Variants in FAT3 observed in about 807,000 individuals in gnomAD.
FAT3 encodes protocadherin Fat 3.
Under a neutral mutation model 310.2 loss-of-function variants are expected in FAT3, and 95 were observed. The ratio of observed to expected loss-of-function variants is 0.31; its 90% CI spans 0.26 to 0.36. The LOEUF (loss-of-function observed/expected upper bound fraction) is 0.36, where lower values mean the gene tolerates loss of function less well. FAT3 is among the 10% of genes least tolerant of loss of function. The pLI is 1.00. For missense variants in FAT3, 5,408 were observed against 5,715.6 expected (o/e 0.95, Z 1.74); for synonymous variants, 2,314 against 2,192.9 (o/e 1.06, Z -1.54).
Position 92,319,529 on chromosome 11 carries a change from T to C in FAT3, c.-17-32567T>C, listed in dbSNP as rs550821730. Among the ~76,000 whole-genome samples, 6 of 152,328 alleles carry C rather than the reference T, an allele frequency of 3.9e-5. No homozygotes were observed. The South Asian group carries it at 1.2e-3, about 32-fold the overall frequency. On this transcript the variant is annotated intron_variant, in intron 1 of 27. Transcript: ENST00000525166. Reference sequence around the variant, plus strand: ...CTCTCTGTGTGTTCAGTAAGTATAATAGTGTGAATATTCCTTCCATCAGCG... The same window carrying C: ...CTCTCTGTGTGTTCAGTAAGTATAACAGTGTGAATATTCCTTCCATCAGCG...
At position 92,443,841 on chromosome 11, in the gene FAT3, AGAG is replaced by A. The variant is rs576849728; in HGVS notation, c.3293-80787_3293-80785del. Among the ~76,000 whole-genome samples, 40 of 152,248 alleles carry A rather than the reference AGAG, an allele frequency of 2.6e-4. 1 individual carries two copies. In the South Asian group the frequency reaches 3.3e-3, roughly 13 times the overall value. On this transcript the variant is annotated intron_variant, in intron 2 of 27. Transcript: ENST00000525166. ...GAGGAGGAGAAGAAGATAAATAAGA[AGAG>A]GAGGAAGAGGAGATCATAATGATGC...
intron 2 of FAT3, among the ~76,000 whole-genome samples, chr11:92,509,706 A>T (rs1200787766): frequency 6.6e-6 from 1 of 152,198 alleles, no homozygotes; most frequent in South Asian, 2.1e-4. Flanking sequence ...TGTTCCATGT[A>T]CAATGGTGAG....
chr11:92,403,860 C>A (rs1950077230), intron 2 of FAT3, among the ~76,000 whole-genome samples: 1 of 152,032 alleles, frequency 6.6e-6, no homozygotes, highest in Non-Finnish European at 1.5e-5. Flanking sequence ...CATGGTGAAA[C>A]CCCGTCTCTA....
intron 2 of FAT3, among the ~76,000 whole-genome samples, chr11:92,470,726 C>T (rs1031357938): frequency 6.6e-6 from 1 of 152,200 alleles, no homozygotes; most frequent in Non-Finnish European, 1.5e-5. Flanking sequence ...CACACATGTA[C>T]ACACTGGTCC....
intron 3 of FAT3, among the ~76,000 whole-genome samples, chr11:92,659,809 G>A (rs1942715647): frequency 6.6e-6 from 1 of 152,170 alleles, no homozygotes; most frequent in Admixed American, 6.5e-5. Flanking sequence ...AGAGGTGGAG[G>A]TGGGTTGCCA....
Position 92,412,736 on chromosome 11 carries a change from T to TATATACAC in FAT3, c.3292+57337_3292+57338insCACATATA, listed in dbSNP as rs1591252620. Among the ~76,000 whole-genome samples the TATATACAC allele has an allele frequency of 3.5e-3, 53 of 14,956 alleles. 5 individuals are homozygous for TATATACAC. Among genetic ancestry groups the TATATACAC allele is most frequent in the South Asian group, 0.016 (5 of 318 alleles). The allele number at this position is 14,956 out of a possible 152,430, so 9.8% of individuals were successfully genotyped here. A position where few individuals can be genotyped will look rare whatever the true frequency, so the allele number is the denominator to read the frequency against. ...ATATATATATATATATATATATATA[T>TATATACAC]ATATATATAAATATACATACATATA... On this transcript the variant is annotated intron_variant, in intron 2 of 27. Coordinates refer to ENST00000525166, the MANE Select transcript of FAT3 (RefSeq NM_001367949.2).
At chr11:92,254,110 A>G (rs1865226108) in intron 1 of FAT3, among the ~76,000 whole-genome samples, 1 of 152,156 alleles carries the variant, frequency 6.6e-6, no homozygotes, top group Admixed American at 6.6e-5. Flanking sequence ...CTCTGGGTTA[A>G]GAGTTCTTGC....
chr11:92,669,209 T>C (rs144026813), intron 3 of FAT3, among the ~76,000 whole-genome samples: 48 of 152,316 alleles, frequency 3.2e-4, no homozygotes, highest in African/African-American at 1.1e-3. Flanking sequence ...ATGTTCTTTT[T>C]ACCTGGAGAA....
intron 2 of FAT3, among the ~76,000 whole-genome samples, chr11:92,429,015 G>C (rs1284626717): frequency 6.6e-6 from 1 of 152,180 alleles, no homozygotes; most frequent in African/African-American, 2.4e-5. Context: ...GGGAGTCTAA[G>C]TCTCTTTGTA....
At chr11:92,246,967 A>G (rs1384072975) in intron 1 of FAT3, among the ~76,000 whole-genome samples, 2 of 152,130 alleles carry the variant, frequency 1.3e-5, no homozygotes, top group Non-Finnish European at 2.9e-5. Flanking sequence ...ACTAAGACTG[A>G]TACATTTGTC....
intron 1 of FAT3, among the ~76,000 whole-genome samples, chr11:92,292,006 A>G (rs989019271): frequency 6.6e-6 from 1 of 151,972 alleles, no homozygotes; most frequent in Non-Finnish European, 1.5e-5. Context: ...AGTCCCCCAA[A>G]CAAAATATTT....
Position 92,353,424 on chromosome 11 carries a change from G to C in FAT3, c.1312G>C (p.Val438Leu), listed in dbSNP as rs1948627428. The C allele has an allele frequency of 6.2e-7, 1 of 1,613,512 alleles. No homozygotes were observed. Among genetic ancestry groups the C allele is most frequent in the Non-Finnish European group, 8.5e-7 (1 of 1,179,766 alleles). ...LIVTARPLNT[V>L]KKEVYKLEVT... ...TGTTACAGCACGGCCACTGAATACT[G>C]TTAAGAAGGAGGTTTATAAACTGGA... The change falls in exon 2 of 28, where the codon GTT (valine) becomes CTT (leucine). Residue 438 changes from valine (V) to leucine (L), a missense_variant. Val to Leu is a conservative substitution (Grantham distance 32). Transcript: ENST00000525166.
intron 2 of FAT3, among the ~76,000 whole-genome samples, chr11:92,357,731 C>G (rs1471881661): frequency 6.6e-6 from 1 of 151,672 alleles, no homozygotes; most frequent in East Asian, 1.9e-4. Flanking sequence ...TTACCTGATA[C>G]AGTGAAAAGT....
intron 2 of FAT3, among the ~76,000 whole-genome samples, chr11:92,361,162 G>C (rs1264991695): frequency 6.6e-6 from 1 of 152,120 alleles, no homozygotes; most frequent in East Asian, 1.9e-4. Flanking sequence ...CCAGGCTGAA[G>C]GAGTACTCAC....
intron 2 of FAT3, among the ~76,000 whole-genome samples, chr11:92,432,155 G>T (rs1414477210): frequency 6.6e-6 from 1 of 152,096 alleles, no homozygotes. Flanking sequence ...CCATTTGTTT[G>T]TATCCTCTTT....
chr11:92,526,533 G>A (rs1953871448), intron 3 of FAT3, among the ~76,000 whole-genome samples: 1 of 152,062 alleles, frequency 6.6e-6, no homozygotes, highest in Admixed American at 6.6e-5. Context: ...AGCTGCAAAA[G>A]GGAAGTTTTC....
chr11:92,458,413 T>G (rs1384612302), intron 2 of FAT3, among the ~76,000 whole-genome samples: 2 of 152,248 alleles, frequency 1.3e-5, no homozygotes, highest in Non-Finnish European at 2.9e-5. Context: ...ACATCTTCTT[T>G]AAATTTCCAG....
chr11:92,315,541 A>AGAGAGAGT lies in FAT3; in HGVS notation c.-17-36548_-17-36547insTGAGAGAG, dbSNP rs1947435610. ...GAGAGAGAGAGAGAGAGAGAGAGAG[A>AGAGAGAGT]GAGAGAGAGAGAGACTGTGTTGCCC... On this transcript the variant is annotated intron_variant, in intron 1 of 27. Coordinates refer to ENST00000525166, the MANE Select transcript of FAT3 (RefSeq NM_001367949.2). 8.9e-5 allele frequency among the ~76,000 whole-genome samples: 13 copies of AGAGAGAGT among 146,082 alleles called. No individual in the cohort carries two copies. The South Asian group carries it at 2.7e-3, about 30-fold the overall frequency.
chr11:92,393,259 C>T (rs1245449158), intron 2 of FAT3, among the ~76,000 whole-genome samples: 3 of 151,974 alleles, frequency 2.0e-5, no homozygotes, highest in Non-Finnish European at 1.5e-5. Flanking sequence ...TGTGTGTATG[C>T]ACACACACTC....
Sources: gnomAD v4.1 joint callset for allele counts (sites outside exome capture counted in the v4.1 genomes callset) on GRCh38, gnomAD v4.1.1 for gene constraint, MANE v1.5 for transcripts, NCBI Gene and HGNC (gene_info 2026-07-23, HGNC 2026-07-21) for gene names.